DGKB: variants seen among roughly 807,000 people sequenced by gnomAD.
DGKB encodes 90 kDa diacylglycerol kinase.
DGKB carries 67 observed loss-of-function variants against 114.3 expected under a neutral mutation model. That is an observed-to-expected ratio of 0.59 (90% CI 0.48 to 0.72). The LOEUF (loss-of-function observed/expected upper bound fraction) is 0.72, where lower values mean the gene tolerates loss of function less well. Ranked by LOEUF, DGKB falls within the 30% of genes least tolerant of loss-of-function variation. The pLI, the probability that DGKB is intolerant of heterozygous loss-of-function variation, is 0.00. For synonymous variants in DGKB, 398 were observed against 323.1 expected, an observed-to-expected ratio of 1.23 and a Z score of -2.49; for missense variants, 907 against 975.2, an observed-to-expected ratio of 0.93 and a Z score of 0.93.
intron 21 of DGKB, among the ~76,000 whole-genome samples, chr7:14,422,865 T>G (rs1380073030): frequency 6.6e-6 from 1 of 151,980 alleles, no homozygotes; most frequent in Non-Finnish European, 1.5e-5. Context: ...TCTTTTTGAG[T>G]ACTTTCCACC....
At chr7:14,923,232 T>C (rs1277183812) in intron 1 of DGKB, among the ~76,000 whole-genome samples, 1 of 152,194 alleles carries the variant, frequency 6.6e-6, no homozygotes, top group Non-Finnish European at 1.5e-5. Context: ...TATTTCTGTT[T>C]TTAGTTTATG....
intron 23 of DGKB, among the ~76,000 whole-genome samples, chr7:14,264,160 C>T (rs769824713): frequency 2.0e-5 from 3 of 152,130 alleles, no homozygotes; most frequent in Non-Finnish European, 4.4e-5. Flanking sequence ...ATGAAATAGA[C>T]ATTGGTAGAT....
chr7:14,588,565 C>T (rs1801158130), intron 17 of DGKB, among the ~76,000 whole-genome samples: 1 of 152,070 alleles, frequency 6.6e-6, no homozygotes, highest in East Asian at 1.9e-4. Flanking sequence ...TTATCCTGGC[C>T]TCCGGCCCTC....
chr7:14,719,913 G>A (rs1014595877), intron 5 of DGKB, among the ~76,000 whole-genome samples: 2 of 152,108 alleles, frequency 1.3e-5, no homozygotes, highest in African/African-American at 2.4e-5. Context: ...GAGGTAGAGT[G>A]CATTTTCCCC....
chr7:14,359,320 A>C (rs568611992), intron 21 of DGKB, among the ~76,000 whole-genome samples: 1 of 152,300 alleles, frequency 6.6e-6, no homozygotes, highest in East Asian at 1.9e-4. Flanking sequence ...AATTAATTCA[A>C]GATGGATTAA....
intron 2 of DGKB, among the ~76,000 whole-genome samples, chr7:14,769,050 T>C (rs1390119414): frequency 7.1e-6 from 1 of 141,380 alleles, no homozygotes; most frequent in Non-Finnish European, 1.5e-5. Context: ...ACCCCTACAC[T>C]GTGTAAACAT....
At chr7:14,223,283 C>T (rs1421906279) in intron 23 of DGKB, among the ~76,000 whole-genome samples, 1 of 151,592 alleles carries the variant, frequency 6.6e-6, no homozygotes, top group Non-Finnish European at 1.5e-5. Flanking sequence ...TTTTTACTAT[C>T]TCTTCTTAAG....
chr7:14,340,268 CACTT>C (rs1317535260), intron 22 of DGKB, among the ~76,000 whole-genome samples: 4 of 146,540 alleles, frequency 2.7e-5, no homozygotes, highest in African/African-American at 7.5e-5. Context: ...TGTGTATACT[CACTT>C]ACCGCTATAT....
intron 21 of DGKB, among the ~76,000 whole-genome samples, chr7:14,454,020 TATATC>T (rs764275324): frequency 2.3e-4 from 35 of 152,268 alleles, no homozygotes; most frequent in African/African-American, 8.4e-4. Flanking sequence ...ATCTTATTGA[TATATC>T]ATAGTTACAC....
chr7:14,524,941 G>T (rs1023859063), intron 20 of DGKB, among the ~76,000 whole-genome samples: 4 of 151,502 alleles, frequency 2.6e-5, no homozygotes, highest in Admixed American at 6.6e-5. Flanking sequence ...AGGAAAAATG[G>T]CCTAATTTCT....
At chr7:14,279,123 CG>C (rs1173591112) in intron 23 of DGKB, among the ~76,000 whole-genome samples, 1 of 152,134 alleles carries the variant, frequency 6.6e-6, no homozygotes, top group Non-Finnish European at 1.5e-5. Context: ...GGGTGATGGA[CG>C]GCACCTGGAA....
intron 21 of DGKB, among the ~76,000 whole-genome samples, chr7:14,377,501 C>T (rs1015495592): frequency 2.6e-5 from 4 of 152,132 alleles, no homozygotes; most frequent in African/African-American, 9.7e-5. Flanking sequence ...GAGGGCCATG[C>T]TTCTGTCTTC....
chr7:14,876,503 C>T (rs1853309679), intron 1 of DGKB, among the ~76,000 whole-genome samples: 1 of 152,170 alleles, frequency 6.6e-6, no homozygotes, highest in Non-Finnish European at 1.5e-5. Flanking sequence ...TTGGAGCTCG[C>T]CTTTGCAGCA....
chr7:14,525,209 ATAAG>A (rs1409756537), intron 20 of DGKB, among the ~76,000 whole-genome samples: 1 of 152,134 alleles, frequency 6.6e-6, no homozygotes, highest in Non-Finnish European at 1.5e-5. Flanking sequence ...CATTTCTACG[ATAAG>A]TAAGTCACTG....
At chr7:14,232,921 T>G (rs927169419) in intron 23 of DGKB, among the ~76,000 whole-genome samples, 53 of 152,030 alleles carry the variant, frequency 3.5e-4, no homozygotes, top group African/African-American at 1.1e-3. Flanking sequence ...CTCTAATGTG[T>G]CAATTTCCAA....
chr7:14,914,591 GTTTCAACAA>G (rs533867114), intron 1 of DGKB, among the ~76,000 whole-genome samples: 241 of 152,014 alleles, frequency 1.6e-3, no homozygotes, highest in African/African-American at 5.6e-3. Flanking sequence ...GCATGTCTGG[GTTTCAACAA>G]AAAATTGTAA....
intron 21 of DGKB, among the ~76,000 whole-genome samples, chr7:14,423,214 C>T (rs1468227557): frequency 6.6e-6 from 1 of 152,004 alleles, no homozygotes; most frequent in Non-Finnish European, 1.5e-5. Flanking sequence ...CATAATATCA[C>T]TATTATTAAA....
chr7:14,166,753 T>G (rs1784665127), intron 25 of DGKB, among the ~76,000 whole-genome samples: 1 of 152,130 alleles, frequency 6.6e-6, no homozygotes, highest in Non-Finnish European at 1.5e-5. Context: ...AGTTTTTAGT[T>G]TTTTTCTCTA....
chr7:14,792,037 G>T (rs1230731450), intron 2 of DGKB, among the ~76,000 whole-genome samples: 1 of 152,028 alleles, frequency 6.6e-6, no homozygotes, highest in Non-Finnish European at 1.5e-5. Context: ...TGTAGAATTG[G>T]TATTAATTCT....
Sources: allele counts gnomAD v4.1 joint callset (sites outside exome capture counted in the v4.1 genomes callset), GRCh38; gene constraint gnomAD v4.1.1; transcripts MANE v1.5; gene names NCBI Gene and HGNC (gene_info 2026-07-23, HGNC 2026-07-21).